CHN2: variants seen among roughly 807,000 people sequenced by gnomAD.
The protein encoded by CHN2 is chimerin 2, also known as beta-chimaerin.
In CHN2, 35 loss-of-function variants were observed where a neutral mutation model predicts 56.3. That is an observed-to-expected ratio of 0.62 (90% confidence interval 0.47 to 0.82). The LOEUF is 0.82. CHN2 is among the 40% of genes least tolerant of loss of function. The pLI is 0.00. For missense variants in CHN2, 491 were observed against 580.5 expected (o/e 0.85, Z 1.58); for synonymous variants, 210 against 212.8 (o/e 0.99, Z 0.12).
intron 6 of CHN2, chr7:29,480,009 T>G: frequency 6.7e-7 from 1 of 1,501,732 alleles, no homozygotes; most frequent in East Asian, 2.5e-5. Flanking sequence ...CCCAGCTGCC[T>G]CAAATCTGCC....
intron 3 of CHN2, among the ~76,000 whole-genome samples, chr7:29,382,605 G>A (rs60227295): frequency 0.13 from 20,171 of 152,176 alleles, 2,051 homozygotes; most frequent in African/African-American, 0.29. Flanking sequence ...TGCTGGGACA[G>A]CAGAGGTGAA....
At chr7:29,294,076 G>C (rs12534516) in intron 1 of CHN2, among the ~76,000 whole-genome samples, 8,511 of 151,602 alleles carry the variant, frequency 0.056, 342 homozygotes, top group African/African-American at 0.11. Flanking sequence ...CCGTGTTAGC[G>C]AGGATGGTCT....
chr7:29,181,328 T>C (rs1055792976), intron 2 of CHN2: 2 of 152,226 alleles, frequency 1.3e-5, no homozygotes, highest in Admixed American at 6.5e-5. Context: ...GCAACATTTA[T>C]ATAGAATATA....
At chr7:29,431,050 G>C (rs1163628408) in intron 6 of CHN2, among the ~76,000 whole-genome samples, 13 of 152,094 alleles carry the variant, frequency 8.5e-5, no homozygotes, top group Admixed American at 8.5e-4. Flanking sequence ...TAACTGGGGG[G>C]CAGAGAATCT....
chr7:29,261,953 A>T (rs1295826652), intron 1 of CHN2, among the ~76,000 whole-genome samples: 1 of 152,220 alleles, frequency 6.6e-6, no homozygotes, highest in Non-Finnish European at 1.5e-5. Flanking sequence ...AGATCACTTG[A>T]GGTCAGGAGT....
At chr7:29,485,644 G>A (rs189991594) in intron 7 of CHN2, among the ~76,000 whole-genome samples, 189 of 152,334 alleles carry the variant, frequency 1.2e-3, no homozygotes, top group African/African-American at 4.4e-3. Flanking sequence ...GCAAACAACA[G>A]GAGTGAGAAC....
At chr7:29,420,792 G>T (rs1562593546) in intron 6 of CHN2, among the ~76,000 whole-genome samples, 1 of 148,608 alleles carries the variant, frequency 6.7e-6, no homozygotes, top group Non-Finnish European at 1.5e-5. Flanking sequence ...TAGATTATAT[G>T]GGTTGTTTTT....
chr7:29,169,240 C>T (rs1796296620), intron 2 of CHN2, among the ~76,000 whole-genome samples: 1 of 152,028 alleles, frequency 6.6e-6, no homozygotes, highest in South Asian at 2.1e-4. Flanking sequence ...AATAAATGCA[C>T]TATGCTGATA....
chr7:29,370,615 C>A (rs1171721856), intron 3 of CHN2, among the ~76,000 whole-genome samples: 1 of 152,090 alleles, frequency 6.6e-6, no homozygotes, highest in African/African-American at 2.4e-5. Context: ...TCTGTTGTTT[C>A]TCTGATGACT....
At chr7:29,247,924 A>G (rs909305916) in intron 1 of CHN2, among the ~76,000 whole-genome samples, 3 of 152,368 alleles carry the variant, frequency 2.0e-5, no homozygotes, top group Middle Eastern at 3.4e-3. Flanking sequence ...TTATAGAAAC[A>G]GCATCATTGC....
chr7:29,179,779 G>A (rs763072931), intron 2 of CHN2, among the ~76,000 whole-genome samples: 23 of 152,020 alleles, frequency 1.5e-4, no homozygotes, highest in Non-Finnish European at 3.2e-4. Context: ...ATTTGTGGAG[G>A]GGCTATATAG....
rs747799009 is a variant in CHN2, at chr7:29,385,092, C to G, written c.145-8587C>G. Among the ~76,000 whole-genome samples the G allele has an allele frequency of 6.1e-4, 93 of 152,194 alleles. 1 individual carries two copies. Among genetic ancestry groups the G allele is most frequent in the Non-Finnish European group, 1.2e-3 (83 of 67,992 alleles). On this transcript the variant is annotated intron_variant, in intron 3 of 12. Transcript: ENST00000222792. ...AATCTTACTGACATTTTAGTCTGTT[C>G]CATTTTGTATTCATCTGATATATTT...
rs398004204 is a variant in CHN2 at position 29,420,059 on chromosome 7, C to CAA, written c.576+19246_576+19247dup. 9.9e-3 allele frequency among the ~76,000 whole-genome samples: 1,195 copies of CAA among 120,208 alleles called. 14 individuals are homozygous for CAA. The highest frequency in any genetic ancestry group is 0.029 in the African/African-American group (816 of 27,928). 78.9% of individuals were successfully genotyped at this position (120,208 alleles called of 152,430 possible). ...CAGGTGACAGAGTGAGACTCCATCT[C>CAA]AAAAAAAAAAAAAAAATTATCTCAC... On this transcript the variant is annotated intron_variant, in intron 6 of 12. Coordinates refer to ENST00000222792, the MANE Select transcript of CHN2 (RefSeq NM_004067.4).
chr7:29,199,965 C>G (rs1784028421), intron 1 of CHN2: 1 of 152,290 alleles, frequency 6.6e-6, no homozygotes. Flanking sequence ...GGGGCCTGGC[C>G]TGAGTGTCAG....
intron 2 of CHN2, among the ~76,000 whole-genome samples, chr7:29,358,944 G>A (rs887904446): frequency 2.0e-5 from 3 of 152,070 alleles, no homozygotes; most frequent in African/African-American, 7.2e-5. Flanking sequence ...TCTTTTCTTG[G>A]CTCCGCTTTC....
At chr7:29,329,671 G>A (rs1796072700) in intron 1 of CHN2, among the ~76,000 whole-genome samples, 1 of 152,156 alleles carries the variant, frequency 6.6e-6, no homozygotes, top group Admixed American at 6.5e-5. Flanking sequence ...TGTATAGTGT[G>A]TCTGTAAACT....
chr7:29,488,099 G>A (rs139058654), intron 7 of CHN2, among the ~76,000 whole-genome samples: 3 of 152,294 alleles, frequency 2.0e-5, no homozygotes, highest in East Asian at 1.9e-4. Flanking sequence ...GAAGTCCAGG[G>A]ATCTGTGGTG....
At chr7:29,413,826 A>G (rs1413732132) in intron 6 of CHN2, among the ~76,000 whole-genome samples, 1 of 152,192 alleles carries the variant, frequency 6.6e-6, no homozygotes, top group Admixed American at 6.5e-5. Context: ...TTCTAAACAA[A>G]GCGTTATATT....
intron 8 of CHN2, among the ~76,000 whole-genome samples, chr7:29,499,040 G>A (rs868537092): frequency 3.3e-5 from 5 of 152,120 alleles, no homozygotes; most frequent in Admixed American, 6.5e-5. Flanking sequence ...GATTACAGGC[G>A]TGAGCCACCA....
Sources: gnomAD v4.1 joint callset for allele counts (sites outside exome capture counted in the v4.1 genomes callset) on GRCh38, gnomAD v4.1.1 for gene constraint, MANE v1.5 for transcripts, NCBI Gene and HGNC (gene_info 2026-07-23, HGNC 2026-07-21) for gene names.